Variants in GPATCH2 observed in about 807,000 individuals in gnomAD.
The protein encoded by GPATCH2 is G patch domain-containing protein 2.
Under a neutral mutation model 58.0 loss-of-function variants are expected in GPATCH2, and 51 were observed. The ratio of observed to expected loss-of-function variants is 0.88; its 90% CI spans 0.70 to 1.11. The LOEUF (loss-of-function observed/expected upper bound fraction) is 1.11, where lower values mean the gene tolerates loss of function less well. GPATCH2 is among the 50% of genes most tolerant of loss of function. GPATCH2 has a pLI of 0.00. For synonymous variants in GPATCH2, 222 were observed against 218.5 expected, an observed-to-expected ratio of 1.02 and a Z score of -0.14; for missense variants, 625 against 652.2, an observed-to-expected ratio of 0.96 and a Z score of 0.45.
intron 5 of GPATCH2, among the ~76,000 whole-genome samples, chr1:217,521,666 T>C (rs570557718): frequency 2.2e-3 from 340 of 152,114 alleles, no homozygotes; most frequent in Non-Finnish European, 3.8e-3. Flanking sequence ...TGGAGAGGAG[T>C]AAACACTCCG....
At chr1:217,454,102 T>C (rs981202748) in intron 8 of GPATCH2, among the ~76,000 whole-genome samples, 5 of 152,118 alleles carry the variant, frequency 3.3e-5, no homozygotes, top group African/African-American at 9.7e-5. Flanking sequence ...CCCAGCCCCA[T>C]GTGAACTTCC....
intron 8 of GPATCH2, among the ~76,000 whole-genome samples, chr1:217,489,718 C>T (rs1286313536): frequency 6.6e-6 from 1 of 152,022 alleles, no homozygotes; most frequent in Non-Finnish European, 1.5e-5. Flanking sequence ...CAAAATTAGC[C>T]GGGTGTGGCG....
chr1:217,430,005 A>G lies in GPATCH2; in HGVS notation c.*1140T>C, dbSNP rs1658461458. The G allele has an allele frequency of 6.6e-6, 1 of 152,068 alleles. No homozygotes were observed. The highest frequency in any genetic ancestry group is 6.5e-5 in the Admixed American group (1 of 15,284). 9.4% of individuals were successfully genotyped at this position (152,068 alleles called of 1,614,324 possible). On this transcript the variant is annotated 3_prime_UTR_variant, in exon 10 of 10. Coordinates refer to ENST00000366935, the MANE Select transcript of GPATCH2 (RefSeq NM_018040.5). ...ATAAGTTGTTAATAATGAAGATAAT[A>G]AATAAAGATCTTCTAAACTAAAAGC...
intron 5 of GPATCH2, among the ~76,000 whole-genome samples, chr1:217,538,961 G>A (rs542061972): frequency 6.6e-6 from 1 of 152,140 alleles, no homozygotes; most frequent in Non-Finnish European, 1.5e-5. Flanking sequence ...TATACCCTCT[G>A]CTTATCTAAA....
intron 5 of GPATCH2, among the ~76,000 whole-genome samples, chr1:217,584,986 A>T (rs911323065): frequency 1.3e-5 from 2 of 152,126 alleles, no homozygotes; most frequent in Non-Finnish European, 2.9e-5. Context: ...GGAAAATATA[A>T]ACTAAAGAAA....
intron 8 of GPATCH2, among the ~76,000 whole-genome samples, chr1:217,464,957 A>G (rs2102493155): frequency 6.6e-6 from 1 of 152,278 alleles, no homozygotes. Context: ...TGATAATTCT[A>G]AAACAAGTTA....
At position 217,491,674 on chromosome 1, in the gene GPATCH2, G is replaced by A. The variant is rs1244252548; in HGVS notation, c.1277+6C>T. 2 of 1,390,168 alleles carry A rather than the reference G, an allele frequency of 1.4e-6. No individual in the cohort carries two copies. The highest frequency in any genetic ancestry group is 2.0e-6 in the Non-Finnish European group (2 of 989,438). The allele number at this position is 1,390,168 out of a possible 1,614,324, so 86.1% of individuals were successfully genotyped here. On this transcript the variant is annotated splice_donor_region_variant and intron_variant, in intron 8 of 9. Coordinates refer to ENST00000366935, the MANE Select transcript of GPATCH2 (RefSeq NM_018040.5). ...AATGAATAAAAAGCGATTTTGAATT[G>A]CTTACCTGCTGGCTGTTCTCACAGA...
At chr1:217,611,687 A>G (rs1049447974) in intron 3 of GPATCH2, among the ~76,000 whole-genome samples, 4 of 152,208 alleles carry the variant, frequency 2.6e-5, no homozygotes, top group African/African-American at 9.6e-5. Flanking sequence ...AGGGGAAACA[A>G]TCATGAACAG....
chr1:217,585,515 T>G (rs10779298), intron 5 of GPATCH2, among the ~76,000 whole-genome samples: 76,356 of 151,820 alleles, frequency 0.5, 19,993 homozygotes, highest in East Asian at 0.92. Context: ...AGCTACTCGG[T>G]AGGCTGAGGC....
intron 5 of GPATCH2, among the ~76,000 whole-genome samples, chr1:217,541,442 T>G (rs1242758): frequency 0.11 from 16,584 of 152,132 alleles, 1,231 homozygotes; most frequent in South Asian, 0.17. Context: ...CCCCTGCAGT[T>G]TCATATTTAG....
chr1:217,522,651 T>TA (rs1663526439), intron 5 of GPATCH2, among the ~76,000 whole-genome samples: 1 of 152,200 alleles, frequency 6.6e-6, no homozygotes, highest in East Asian at 1.9e-4. Context: ...TAAGATGGTG[T>TA]AAAAAACTTC....
At chr1:217,454,560 G>C (rs1387366028) in intron 8 of GPATCH2, among the ~76,000 whole-genome samples, 2 of 120,134 alleles carry the variant, frequency 1.7e-5, no homozygotes, top group African/African-American at 6.2e-5. Flanking sequence ...CTGCACTCCA[G>C]CCTGGGCGAC....
chr1:217,450,512 A>G (rs1659612468), intron 8 of GPATCH2, among the ~76,000 whole-genome samples: 1 of 152,242 alleles, frequency 6.6e-6, no homozygotes, highest in Non-Finnish European at 1.5e-5. Context: ...ATAATTAATG[A>G]TCTGAGTAAT....
intron 5 of GPATCH2, among the ~76,000 whole-genome samples, chr1:217,567,052 T>G (rs1301668449): frequency 6.6e-6 from 1 of 150,990 alleles, no homozygotes; most frequent in African/African-American, 2.4e-5. Context: ...CTGGCTTTTT[T>G]TTTTTTTTTT....
intron 5 of GPATCH2, among the ~76,000 whole-genome samples, chr1:217,537,412 A>C (rs1664530871): frequency 3.3e-5 from 5 of 152,072 alleles, no homozygotes; most frequent in Admixed American, 3.3e-4. Flanking sequence ...TAAGTATGAG[A>C]TAGGAAAGAT....
intron 5 of GPATCH2, among the ~76,000 whole-genome samples, chr1:217,566,515 T>G (rs1402479318): frequency 6.6e-6 from 1 of 152,208 alleles, no homozygotes; most frequent in African/African-American, 2.4e-5. Flanking sequence ...TTATATACAG[T>G]TCATACAAAT....
Position 217,620,379 on chromosome 1 carries a change from G to A in GPATCH2, c.177C>T (p.Cys59=), listed in dbSNP as rs1157027094. 2 of 1,613,920 alleles carry A rather than the reference G, an allele frequency of 1.2e-6. No individual in the cohort carries two copies. The highest frequency in any genetic ancestry group is 1.7e-6 in the Non-Finnish European group (2 of 1,179,902). ...ETGDHSRSIS[C]PLKRQARKRR... ...TTTTCCTTGCCTGGCGTTTCAGAGG[G>A]CAAGATATACTTCGAGAATGGTCTC... Residue 59 remains cysteine, a synonymous_variant, in exon 2 of 10, where the codon TGC becomes TGT. Coordinates refer to ENST00000366935, the MANE Select transcript of GPATCH2 (RefSeq NM_018040.5).
chr1:217,491,769 C>T lies in GPATCH2; in HGVS notation c.1207-19G>A, dbSNP rs371844600. On this transcript the variant is annotated intron_variant, in intron 7 of 9. Coordinates refer to ENST00000366935, the MANE Select transcript of GPATCH2 (RefSeq NM_018040.5). ...GCTGATGCTACACAAAGTGTTAAGACAAAGTCATAGAAACAAAAATATTTT... is the reference window on the plus strand; with the variant it reads ...GCTGATGCTACACAAAGTGTTAAGATAAAGTCATAGAAACAAAAATATTTT... 9.6e-7 allele frequency: 1 copy of T among 1,039,264 alleles called. No individual in the cohort carries two copies. The highest frequency in any genetic ancestry group is 1.6e-5 in the South Asian group (1 of 61,252). 64.4% of individuals were successfully genotyped at this position (1,039,264 alleles called of 1,614,324 possible). A position where few individuals can be genotyped will look rare whatever the true frequency, so the allele number is the denominator to read the frequency against.
chr1:217,557,350 T>C (rs561249196), intron 5 of GPATCH2, among the ~76,000 whole-genome samples: 1 of 132,132 alleles, frequency 7.6e-6, no homozygotes, highest in East Asian at 2.2e-4. Context: ...GAGGTTGCAG[T>C]AAGGTGAGAT....
Sources: allele counts gnomAD v4.1 joint callset (sites outside exome capture counted in the v4.1 genomes callset), GRCh38; gene constraint gnomAD v4.1.1; transcripts MANE v1.5; gene names NCBI Gene and HGNC (gene_info 2026-07-23, HGNC 2026-07-21).